RELN: variants seen among roughly 807,000 people sequenced by gnomAD.
RELN encodes reelin.
Under a neutral mutation model 427.6 loss-of-function variants are expected in RELN, and 108 were observed. That is an observed-to-expected ratio of 0.25 (90% CI 0.22 to 0.30). The LOEUF is 0.30. RELN is among the 10% of genes least tolerant of loss of function. The probability of loss-of-function intolerance (pLI) is 1.00; values close to 1 mark genes in which losing one functional copy is unlikely to be tolerated. For synonymous variants in RELN, 1,524 were observed against 1,513.4 expected, an observed-to-expected ratio of 1.01 and a Z score of -0.16; for missense variants, 3,715 against 4,302.8, an observed-to-expected ratio of 0.86 and a Z score of 3.82.
chr7:103,568,923 T>A (rs1396612815), intron 31 of RELN, among the ~76,000 whole-genome samples: 1 of 152,172 alleles, frequency 6.6e-6, no homozygotes, highest in Non-Finnish European at 1.5e-5. Context: ...CTGAATCACC[T>A]TGGAACAGGT....
intron 59 of RELN, among the ~76,000 whole-genome samples, chr7:103,490,107 C>A (rs951941765): frequency 2.0e-5 from 3 of 152,224 alleles, no homozygotes. Context: ...AAGCTTGTAT[C>A]TTCTCTGAAA....
At chr7:103,476,483 A>AAAAC (rs373339112) in intron 64 of RELN, among the ~76,000 whole-genome samples, 65 of 152,288 alleles carry the variant, frequency 4.3e-4, no homozygotes, top group South Asian at 1.0e-3. Flanking sequence ...TCTGTCTCAA[A>AAAAC]AAACAAACAA....
chr7:103,827,436 ACTT>A (rs1341244221), intron 3 of RELN, among the ~76,000 whole-genome samples: 1 of 152,064 alleles, frequency 6.6e-6, no homozygotes, highest in African/African-American at 2.4e-5. Context: ...AACAAAAATA[ACTT>A]CTTCAAGCCT....
intron 55 of RELN, 141 bp from the exon 56 acceptor site, chr7:103,496,909 AT>A: frequency 1.2e-6 from 1 of 867,778 alleles, no homozygotes; most frequent in Non-Finnish European, 1.9e-6. Flanking sequence ...TGACTTTGAT[AT>A]TAGGTATTCA....
At chr7:103,900,393 T>A (rs2116617969) in intron 2 of RELN, among the ~76,000 whole-genome samples, 1 of 152,252 alleles carries the variant, frequency 6.6e-6, no homozygotes, top group East Asian at 1.9e-4. Flanking sequence ...ATAGATTCAA[T>A]GCCATCACCA....
Position 103,593,745 on chromosome 7 carries a change from A to G in RELN, c.3849T>C (p.Asp1283=). Residue 1283 remains aspartate, a synonymous_variant, in exon 27 of 65, where the codon GAT becomes GAC. Transcript: ENST00000428762. ...TPSAMIFGKS[D]GDRFAVTRDL... Reference sequence around the variant, plus strand: ...CTCGAGTTACTGCAAATCGATCTCCATCTGATTTTCCAAATATCATTGCTG... The same window carrying G: ...CTCGAGTTACTGCAAATCGATCTCCGTCTGATTTTCCAAATATCATTGCTG... 1 of 1,613,752 alleles carries G rather than the reference A, an allele frequency of 6.2e-7. No homozygotes were observed.
At chr7:103,575,918 A>C (rs1375100808) in intron 28 of RELN, among the ~76,000 whole-genome samples, 2 of 151,962 alleles carry the variant, frequency 1.3e-5, no homozygotes, top group East Asian at 3.9e-4. Context: ...TGCTCTGTCA[A>C]CCAGGCTGGA....
chr7:103,582,553 A>G (rs1355879057), intron 28 of RELN, among the ~76,000 whole-genome samples: 1 of 152,226 alleles, frequency 6.6e-6, no homozygotes, highest in Non-Finnish European at 1.5e-5. Flanking sequence ...TCAAAGTTTA[A>G]CAGATCACAG....
rs1834010566 is a variant in RELN at position 103,697,883 on chromosome 7, G to T, written c.1113C>A (p.Asn371Lys). The T allele has an allele frequency of 5.6e-6, 9 of 1,613,602 alleles. No individual in the cohort carries two copies. The highest frequency in any genetic ancestry group is 7.6e-6 in the Non-Finnish European group (9 of 1,179,794). Residue 371 changes from asparagine to lysine, a missense_variant, in exon 10 of 65, where the codon AAC (asparagine) becomes AAA (lysine). Coordinates refer to ENST00000428762, the MANE Select transcript of RELN (RefSeq NM_005045.4). ...CTGTAGCTCCTGGGAAGAAAAGCCA[G>T]TTGCCTGTGTCCACTGGGTCGAGAC... ...EDSLDPVDTG[N>K]WLFFPGATVK...
chr7:103,989,060 G>A lies in RELN; in HGVS notation c.226+71C>T, dbSNP rs1797163590. ...TGTTTCCAAGGCCCCTTGGAAGAAG[G>A]AAAGGGATGAGAAAGGTGCGCTGGC... On this transcript the variant is annotated intron_variant, in intron 1 of 64. Transcript: ENST00000428762. This position sits in a 1 kb window ranked among gnomAD's most constrained non-coding sequence, Gnocchi z 4.9. 2 of 1,369,668 alleles carry A rather than the reference G, an allele frequency of 1.5e-6. No individual in the cohort carries two copies. Among genetic ancestry groups the A allele is most frequent in the Admixed American group, 1.7e-5 (1 of 59,376 alleles). 84.8% of individuals were successfully genotyped at this position (1,369,668 alleles called of 1,614,324 possible).
chr7:103,495,098 TAA>T (rs1268201594), intron 57 of RELN, among the ~76,000 whole-genome samples: 7 of 151,648 alleles, frequency 4.6e-5, no homozygotes, highest in Non-Finnish European at 1.0e-4. Context: ...ATTACATATA[TAA>T]GATAGAATAT....
chr7:103,911,618 T>C (rs1344289152), intron 2 of RELN, among the ~76,000 whole-genome samples: 1 of 151,272 alleles, frequency 6.6e-6, no homozygotes, highest in Non-Finnish European at 1.5e-5. Context: ...AGTCCAACAG[T>C]GATAGACTGG....
rs781259373 is a variant in RELN, at chr7:103,593,658, G to A, written c.3912+24C>T. 3 of 1,593,426 alleles carry A rather than the reference G, an allele frequency of 1.9e-6. No individual in the cohort carries two copies. In the African/African-American group the frequency reaches 4.0e-5, roughly 21 times the overall value. ...GATATTTTACTCCTTAACTTGCTCT[G>A]GGAAGAAGCTTGTGCATAAATACCT... On this transcript the variant is annotated intron_variant, in intron 27 of 64. Transcript: ENST00000428762.
At chr7:103,960,509 C>T (rs1010279520) in intron 1 of RELN, among the ~76,000 whole-genome samples, 28 of 152,040 alleles carry the variant, frequency 1.8e-4, no homozygotes, top group African/African-American at 5.3e-4. Flanking sequence ...TATATTTTAT[C>T]GTATTTTTTC....
intron 1 of RELN, among the ~76,000 whole-genome samples, chr7:103,973,429 G>A (rs933989637): frequency 2.0e-5 from 3 of 151,986 alleles, no homozygotes; most frequent in Middle Eastern, 3.4e-3. Flanking sequence ...AGGAAAAGAC[G>A]CTCTCAGCAC....
chr7:103,797,924 A>G (rs1160721529), intron 3 of RELN, among the ~76,000 whole-genome samples: 1 of 152,226 alleles, frequency 6.6e-6, no homozygotes, highest in Non-Finnish European at 1.5e-5. Context: ...TGACAAAGTC[A>G]TTTTCATTTG....
At chr7:103,489,572 A>G (rs1425694883) in intron 60 of RELN, among the ~76,000 whole-genome samples, 170 bp downstream of exon 60, 1 of 152,206 alleles carries the variant, frequency 6.6e-6, no homozygotes, top group Non-Finnish European at 1.5e-5. Flanking sequence ...GCATAAATCT[A>G]TGCTTAATAA....
At chr7:103,718,880 C>T (rs140920188) in intron 8 of RELN, among the ~76,000 whole-genome samples, 60 of 152,174 alleles carry the variant, frequency 3.9e-4, no homozygotes, top group Middle Eastern at 3.4e-3. Context: ...AAGAGGTAAG[C>T]TAAATTGAAC....
intron 52 of RELN, 64 bp from the exon 53 acceptor site, chr7:103,500,986 C>G: frequency 7.0e-7 from 1 of 1,438,044 alleles, no homozygotes; most frequent in East Asian, 2.3e-5. Flanking sequence ...GTCCATTGTC[C>G]TGCATGTGTA....
Sources: allele counts gnomAD v4.1 joint callset (sites outside exome capture counted in the v4.1 genomes callset), GRCh38; gene constraint gnomAD v4.1.1; non-coding constraint Gnocchi (gnomAD v3.1); transcripts MANE v1.5; gene names NCBI Gene and HGNC (gene_info 2026-07-23, HGNC 2026-07-21).